The following ABCB1 variants were observed in gnomAD, a reference collection of about 807,000 sequenced individuals.
ABCB1 encodes ATP-dependent translocase ABCB1.
In ABCB1, 69 loss-of-function variants were observed where a neutral mutation model predicts 142.0. That is an observed-to-expected ratio of 0.49 (90% CI 0.40 to 0.59). ABCB1 has a LOEUF of 0.59. Ranked by LOEUF, ABCB1 falls within the 20% of genes least tolerant of loss-of-function variation. ABCB1 has a pLI of 0.00. For synonymous variants in ABCB1, 532 were observed against 539.2 expected (o/e 0.99, Z 0.18); for missense variants, 1,326 against 1,554.7 (o/e 0.85, Z 2.47).
chr7:87,506,110 A>G, intron 26 of ABCB1, 67 bp from the exon 27 acceptor site: 1 of 1,533,260 alleles, frequency 6.5e-7, no homozygotes, highest in Non-Finnish European at 9.0e-7. Context: ...TTGCTTATAG[A>G]AAGTAGGATA....
chr7:87,628,750 G>C (rs1050935487), intron 1 of ABCB1: 16 of 957,526 alleles, frequency 1.7e-5, no homozygotes, highest in Non-Finnish European at 1.8e-5. Flanking sequence ...CGGACCGAGC[G>C]AGAACCCCCT....
intron 22 of ABCB1, 46 bp downstream of exon 22, chr7:87,520,729 AT>A (rs770896018): frequency 6.6e-7 from 1 of 1,521,088 alleles, no homozygotes; most frequent in African/African-American, 1.4e-5. Context: ...AAATATGATG[AT>A]TGAAAAATTA....
chr7:87,687,675 G>C (rs1585104270), intron 1 of ABCB1, among the ~76,000 whole-genome samples: 1 of 152,002 alleles, frequency 6.6e-6, no homozygotes, highest in South Asian at 2.1e-4. Flanking sequence ...ATTTTTTTCT[G>C]ATAGGACTTG....
At chr7:87,631,253 T>A (rs1057034709) in intron 1 of ABCB1, among the ~76,000 whole-genome samples, 6 of 152,260 alleles carry the variant, frequency 3.9e-5, no homozygotes, top group African/African-American at 1.4e-4. Context: ...ATAGGCCATT[T>A]GTACATTTTA....
intron 1 of ABCB1, among the ~76,000 whole-genome samples, chr7:87,617,224 C>A (rs758474213): frequency 2.0e-5 from 3 of 152,196 alleles, no homozygotes; most frequent in Admixed American, 2.0e-4. Flanking sequence ...CATAACCAGG[C>A]AATCTTATAC....
chr7:87,652,135 A>G (rs1823639590), intron 1 of ABCB1, among the ~76,000 whole-genome samples: 1 of 152,136 alleles, frequency 6.6e-6, no homozygotes, highest in Non-Finnish European at 1.5e-5. Flanking sequence ...ATGCCTAACT[A>G]AAAAGCATAT....
At position 87,545,094 on chromosome 7, in the gene ABCB1, T is replaced by C. The variant is rs192394648; in HGVS notation, c.1888-95A>G. 66 of 1,144,192 alleles carry C rather than the reference T, an allele frequency of 5.8e-5. 1 individual carries two copies. The East Asian group carries it at 1.4e-3, about 25-fold the overall frequency. 70.9% of individuals were successfully genotyped at this position (1,144,192 alleles called of 1,614,324 possible). On this transcript the variant is annotated intron_variant, in intron 15 of 27. Transcript: ENST00000622132. The stretch of plus-strand genomic sequence containing the variant: ...TGTCAGCTATCAAGGAAAACAGCAA[T>C]TTGTTTAGTAACTGCAGAAAAGGAT...
rs1814609429 is a variant in ABCB1, at chr7:87,504,129, G to T, written c.*114C>A. On this transcript the variant is annotated 3_prime_UTR_variant, in exon 28 of 28. Coordinates refer to ENST00000622132, the MANE Select transcript of ABCB1 (RefSeq NM_001348946.2). ...TCTGAAGACTCTGAACTTGACTGAG[G>T]AAATGTTAAACAGATACCTCTTCAT... 9 of 1,378,860 alleles carry T rather than the reference G, an allele frequency of 6.5e-6. No individual in the cohort carries two copies. Among genetic ancestry groups the T allele is most frequent in the Non-Finnish European group, 1.0e-6 (1 of 993,842 alleles). 85.4% of individuals were successfully genotyped at this position (1,378,860 alleles called of 1,614,324 possible).
chr7:87,589,129 G>C (rs1384388376), intron 3 of ABCB1, among the ~76,000 whole-genome samples: 2 of 152,168 alleles, frequency 1.3e-5, no homozygotes, highest in East Asian at 3.9e-4. Flanking sequence ...ATAATGCTGA[G>C]TAGGACAAAA....
chr7:87,707,720 C>T (rs1829735202), intron 1 of ABCB1, among the ~76,000 whole-genome samples: 1 of 151,768 alleles, frequency 6.6e-6, no homozygotes, highest in African/African-American at 2.4e-5. Flanking sequence ...ATAAATACTG[C>T]AAAATATACA....
At chr7:87,709,373 A>G in intron 1 of ABCB1, 1 of 985,318 alleles carries the variant, frequency 1.0e-6, no homozygotes, top group Middle Eastern at 5.2e-4. Flanking sequence ...GAATTTTGAG[A>G]CTACTGGCCA....
intron 21 of ABCB1, among the ~76,000 whole-genome samples, chr7:87,529,642 ATCT>A (rs1375416086): frequency 3.8e-4 from 58 of 152,346 alleles, no homozygotes. Flanking sequence ...AGATTGTATC[ATCT>A]TCTTCCTAAA....
At chr7:87,658,216 C>G (rs1824317118) in intron 1 of ABCB1, among the ~76,000 whole-genome samples, 1 of 151,942 alleles carries the variant, frequency 6.6e-6, no homozygotes, top group South Asian at 2.1e-4. Context: ...CAAAGAAGAC[C>G]AAAATGGAAA....
At chr7:87,543,959 T>C (rs554932272) in intron 17 of ABCB1, among the ~76,000 whole-genome samples, 170 bp downstream of exon 17, 9 of 152,170 alleles carry the variant, frequency 5.9e-5, no homozygotes, top group Non-Finnish European at 1.0e-4. Context: ...CAAAGTTAGC[T>C]CTCCTATCAC....
intron 23 of ABCB1, among the ~76,000 whole-genome samples, chr7:87,516,905 G>T (rs1199971937): frequency 6.6e-6 from 1 of 151,450 alleles, no homozygotes; most frequent in African/African-American, 2.4e-5. Context: ...CCAGCTAATT[G>T]TTTTATTTTT....
chr7:87,543,101 C>T (rs1052193569), intron 17 of ABCB1, among the ~76,000 whole-genome samples: 1 of 152,140 alleles, frequency 6.6e-6, no homozygotes, highest in Admixed American at 6.5e-5. Flanking sequence ...CAAGACCACC[C>T]TGGCCAACAT....
chr7:87,664,314 G>A (rs1825014074), intron 1 of ABCB1, among the ~76,000 whole-genome samples: 1 of 151,976 alleles, frequency 6.6e-6, no homozygotes, highest in South Asian at 2.1e-4. Context: ...TCAAGCCTGG[G>A]CAACACAGCA....
upstream of ABCB1, among the ~76,000 whole-genome samples, chr7:87,602,523 C>T (rs975584391): frequency 1.3e-5 from 2 of 151,898 alleles, no homozygotes; most frequent in African/African-American, 2.4e-5. Context: ...TTTTGTTTTG[C>T]TTTGTTGCTT....
At chr7:87,550,669 T>G in intron 10 of ABCB1, 56 bp downstream of exon 10, 1 of 1,559,814 alleles carries the variant, frequency 6.4e-7, no homozygotes, top group Non-Finnish European at 8.8e-7. Flanking sequence ...GACAAAGAAA[T>G]TGACTTAACT....
Sources: allele counts gnomAD v4.1 joint callset (sites outside exome capture counted in the v4.1 genomes callset), GRCh38; gene constraint gnomAD v4.1.1; transcripts MANE v1.5; gene names NCBI Gene and HGNC (gene_info 2026-07-23, HGNC 2026-07-21).